Variants in KCNMA1 observed in about 807,000 individuals in gnomAD.
The protein encoded by KCNMA1 is Calcium-activated potassium channel subunit alpha-1.
In KCNMA1, 29 loss-of-function variants were observed where a neutral mutation model predicts 140.0. The ratio of observed to expected loss-of-function variants is 0.21; its 90% CI spans 0.15 to 0.28. KCNMA1 has a LOEUF of 0.28. Ranked by LOEUF, KCNMA1 falls within the 10% of genes least tolerant of loss-of-function variation. The pLI, the probability that KCNMA1 is intolerant of heterozygous loss-of-function variation, is 1.00. For missense variants in KCNMA1, 880 were observed against 1,602.2 expected, an observed-to-expected ratio of 0.55 and a Z score of 7.70; for synonymous variants, 612 against 611.9, an observed-to-expected ratio of 1.00 and a Z score of 0.00.
At chr10:77,066,772 C>A (rs943907491) in intron 14 of KCNMA1, among the ~76,000 whole-genome samples, 12 of 152,132 alleles carry the variant, frequency 7.9e-5, no homozygotes, top group Non-Finnish European at 1.5e-4. Context: ...ATAGAGTAAG[C>A]AACATCTTGC....
intron 14 of KCNMA1, among the ~76,000 whole-genome samples, chr10:77,064,363 G>A (rs2095858238): frequency 6.6e-6 from 1 of 152,302 alleles, no homozygotes; most frequent in East Asian, 1.9e-4. Context: ...ATCATGTTGG[G>A]GGAAGGAGGG....
intron 2 of KCNMA1, among the ~76,000 whole-genome samples, chr10:77,279,705 CAT>C (rs974050207): frequency 2.6e-5 from 4 of 152,124 alleles, no homozygotes; most frequent in Non-Finnish European, 2.9e-5. Context: ...ACAATTCCCA[CAT>C]GTCATGGGAG....
intron 1 of KCNMA1, among the ~76,000 whole-genome samples, chr10:77,409,346 T>C (rs1254200096): frequency 6.6e-6 from 1 of 152,090 alleles, no homozygotes; most frequent in Non-Finnish European, 1.5e-5. Context: ...AGTGTACAGA[T>C]GAGAAAACTG....
chr10:77,073,734 C>G (rs1419640832), intron 13 of KCNMA1, among the ~76,000 whole-genome samples: 2 of 152,172 alleles, frequency 1.3e-5, no homozygotes, highest in African/African-American at 4.8e-5. Flanking sequence ...TGCTGGCCCC[C>G]CACCAGCATT....
intron 1 of KCNMA1, among the ~76,000 whole-genome samples, chr10:77,478,760 G>A (rs2098328376): frequency 6.6e-6 from 1 of 151,936 alleles, no homozygotes; most frequent in South Asian, 2.1e-4. Context: ...AAACCAATGA[G>A]GTAATGTACA....
chr10:77,511,561 A>T (rs1167280491), intron 1 of KCNMA1, among the ~76,000 whole-genome samples: 1 of 152,216 alleles, frequency 6.6e-6, no homozygotes, highest in Non-Finnish European at 1.5e-5. Flanking sequence ...AGGGAGAGAA[A>T]ATCATGGCAA....
intron 1 of KCNMA1, among the ~76,000 whole-genome samples, chr10:77,549,240 T>C (rs148222909): frequency 2.0e-4 from 30 of 152,384 alleles, no homozygotes; most frequent in African/African-American, 7.2e-4. Flanking sequence ...ATATGTGTCC[T>C]GTCCCTTATG....
chr10:77,608,322 G>A (rs1014679450), intron 1 of KCNMA1, among the ~76,000 whole-genome samples: 2 of 152,162 alleles, frequency 1.3e-5, no homozygotes, highest in African/African-American at 4.8e-5. Context: ...ACGGGGATGT[G>A]CCACCACGCC....
intron 1 of KCNMA1, among the ~76,000 whole-genome samples, chr10:77,493,114 TAG>T: frequency 6.6e-6 from 1 of 152,324 alleles, no homozygotes; most frequent in East Asian, 1.9e-4. Flanking sequence ...TTCCTGGCAC[TAG>T]GTTGAGCACT....
chr10:77,099,023 C>G (rs376052402), intron 9 of KCNMA1, among the ~76,000 whole-genome samples: 2 of 152,168 alleles, frequency 1.3e-5, no homozygotes, highest in Admixed American at 1.3e-4. Flanking sequence ...CTGAATGGCA[C>G]TTTCCTTTTT....
intron 2 of KCNMA1, among the ~76,000 whole-genome samples, chr10:77,289,867 T>G (rs494557): frequency 0.84 from 127,531 of 152,134 alleles, 53,630 homozygotes; most frequent in Middle Eastern, 0.9. Context: ...CAAGTTCAAT[T>G]GATTGTTGAT....
chr10:77,067,441 A>G (rs968596053), intron 14 of KCNMA1, among the ~76,000 whole-genome samples: 1 of 152,192 alleles, frequency 6.6e-6, no homozygotes, highest in Non-Finnish European at 1.5e-5. Flanking sequence ...CCCAGCCACT[A>G]TAACCCTGTG....
chr10:77,625,225 CAA>C (rs2092312805), intron 1 of KCNMA1, among the ~76,000 whole-genome samples: 1 of 152,012 alleles, frequency 6.6e-6, no homozygotes, highest in Non-Finnish European at 1.5e-5. Flanking sequence ...ACTAAAAATA[CAA>C]AAAGTTAGCT....
At chr10:77,129,179 G>C (rs1489502336) in intron 5 of KCNMA1, among the ~76,000 whole-genome samples, 1 of 152,126 alleles carries the variant, frequency 6.6e-6, no homozygotes, top group Non-Finnish European at 1.5e-5. Context: ...TTGTTAATCT[G>C]TTTTGATGTA....
At chr10:77,576,099 G>A (rs182531964) in intron 1 of KCNMA1, among the ~76,000 whole-genome samples, 50 of 152,274 alleles carry the variant, frequency 3.3e-4, no homozygotes, top group Admixed American at 9.8e-4. Flanking sequence ...GTGCACATCC[G>A]GACGCATCTA....
chr10:77,296,512 A>G (rs1480007694), intron 2 of KCNMA1, among the ~76,000 whole-genome samples: 1 of 152,134 alleles, frequency 6.6e-6, no homozygotes, highest in Non-Finnish European at 1.5e-5. Context: ...ACCTTTTAAA[A>G]CCAACTAATT....
chr10:77,499,965 G>C (rs908272756), intron 1 of KCNMA1, among the ~76,000 whole-genome samples: 8 of 152,020 alleles, frequency 5.3e-5, no homozygotes, highest in Admixed American at 1.3e-4. Context: ...GGAATGAAAA[G>C]AAGAAAAATT....
chr10:77,025,673 G>T (rs2093383568), intron 16 of KCNMA1, among the ~76,000 whole-genome samples: 1 of 151,984 alleles, frequency 6.6e-6, no homozygotes, highest in Admixed American at 6.6e-5. Context: ...AGGAGAAACA[G>T]GTCCTTTGAA....
chr10:77,099,005 T>A (rs1354594653), intron 9 of KCNMA1, among the ~76,000 whole-genome samples: 1 of 152,120 alleles, frequency 6.6e-6, no homozygotes, highest in East Asian at 1.9e-4. Context: ...TACAGAGAAA[T>A]CAGGGAGCTG....
Sources: gnomAD v4.1 joint callset for allele counts (sites outside exome capture counted in the v4.1 genomes callset) on GRCh38, gnomAD v4.1.1 for gene constraint, MANE v1.5 for transcripts, NCBI Gene and HGNC (gene_info 2026-07-23, HGNC 2026-07-21) for gene names.